The following CRISPLD2 variants were observed in gnomAD, a reference collection of about 807,000 sequenced individuals.
CRISPLD2 encodes cysteine rich secretory protein LCCL domain containing 2, also known as cysteine-rich secretory protein LCCL domain-containing 2.
CRISPLD2 carries 47 observed loss-of-function variants against 71.1 expected under a neutral mutation model. The observed-to-expected ratio is 0.66, with a 90% CI of 0.52 to 0.84. CRISPLD2 has a LOEUF of 0.84. CRISPLD2 is among the 40% of genes least tolerant of loss of function. The pLI is 0.00. For synonymous variants in CRISPLD2, 317 were observed against 250.1 expected (o/e 1.27, Z -2.52); for missense variants, 830 against 651.1 (o/e 1.27, Z -2.99).
intron 1 of CRISPLD2, among the ~76,000 whole-genome samples, chr16:84,831,139 G>C (rs1480186455): frequency 6.6e-6 from 1 of 152,214 alleles, no homozygotes; most frequent in Non-Finnish European, 1.5e-5. Flanking sequence ...CCATGGGCCT[G>C]TCAACTCAGC....
At position 84,906,865 on chromosome 16, in the gene CRISPLD2, C is replaced by T. The variant is rs1258534256; in HGVS notation, c.*223C>T. 1.6e-6 allele frequency: 1 copy of T among 622,928 alleles called. No homozygotes were observed. The highest frequency in any genetic ancestry group is 2.6e-5 in the Admixed American group (1 of 38,404). The allele number at this position is 622,928 out of a possible 1,614,324, so 38.6% of individuals were successfully genotyped here. Reference sequence around the variant, plus strand: ...CCGGACTCCCTGGTGCCTGATCCTGCTGGGGCCTGGGGGTCTCCATCTGGA... The same window carrying T: ...CCGGACTCCCTGGTGCCTGATCCTGTTGGGGCCTGGGGGTCTCCATCTGGA... On this transcript the variant is annotated 3_prime_UTR_variant, in exon 15 of 15. Transcript: ENST00000262424.
intron 7 of CRISPLD2, 104 bp downstream of exon 7, chr16:84,867,144 C>A: frequency 1.6e-6 from 2 of 1,237,868 alleles, no homozygotes; most frequent in South Asian, 1.4e-5. Context: ...TGCAAATCCA[C>A]AGGCAGTGGC....
At chr16:84,883,745 G>A (rs544792385) in intron 13 of CRISPLD2, among the ~76,000 whole-genome samples, 1 of 152,256 alleles carries the variant, frequency 6.6e-6, no homozygotes, top group African/African-American at 2.4e-5. Context: ...CTATTGTGGT[G>A]GTGACTATGA....
intron 5 of CRISPLD2, among the ~76,000 whole-genome samples, chr16:84,852,036 G>C (rs1917103381): frequency 6.6e-6 from 1 of 152,174 alleles, no homozygotes; most frequent in Admixed American, 6.5e-5. Context: ...GGCAGATCAA[G>C]GTGTGGCAGA....
chr16:84,872,984 C>T lies in CRISPLD2; in HGVS notation c.982-8C>T. On this transcript the variant is annotated splice_region_variant and splice_polypyrimidine_tract_variant and intron_variant, in intron 9 of 14. Transcript: ENST00000262424. ...TGTGCCTCTGGTCTTCTCTTCCCTTCCCGCCAGTCGTCTAGCATATGCCGC... is the reference window on the plus strand; with the variant it reads ...TGTGCCTCTGGTCTTCTCTTCCCTTTCCGCCAGTCGTCTAGCATATGCCGC... 1 of 1,603,638 alleles carries T rather than the reference C, an allele frequency of 6.2e-7. No individual in the cohort carries two copies.
Position 84,838,746 on chromosome 16 carries a change from G to A in CRISPLD2, c.240+11G>A. The A allele has an allele frequency of 6.2e-7, 1 of 1,607,870 alleles. No homozygotes were observed. Among genetic ancestry groups the A allele is most frequent in the Non-Finnish European group, 8.5e-7 (1 of 1,178,796 alleles). Reference sequence around the variant, plus strand: ...AACATGGAGTACATGGTGAGCGCCGGCTCCGGCCGCAGAGGCTGGCACCGG... The same window carrying A: ...AACATGGAGTACATGGTGAGCGCCGACTCCGGCCGCAGAGGCTGGCACCGG... On this transcript the variant is annotated intron_variant, in intron 2 of 14. Transcript: ENST00000262424.
At chr16:84,844,504 G>A (rs1212467807) in intron 2 of CRISPLD2, among the ~76,000 whole-genome samples, 1 of 151,466 alleles carries the variant, frequency 6.6e-6, no homozygotes, top group Non-Finnish European at 1.5e-5. Flanking sequence ...TTGAGACAGA[G>A]TCTTACTTTG....
intron 1 of CRISPLD2, among the ~76,000 whole-genome samples, chr16:84,824,964 C>T (rs973123381): frequency 6.6e-6 from 1 of 151,954 alleles, no homozygotes; most frequent in Non-Finnish European, 1.5e-5. Context: ...ATTAGCCGGG[C>T]GTGGTGGCAG....
rs547974940 is a variant in CRISPLD2 at position 84,862,335 on chromosome 16, T to G, written c.710-4562T>G. On this transcript the variant is annotated intron_variant, in intron 6 of 14. Coordinates refer to ENST00000262424, the MANE Select transcript of CRISPLD2 (RefSeq NM_031476.4). ...CTCCCATCTCAGCCTCCCGAGTAGC[T>G]GGGACTATAGGCACATGCCACCATG... Among the ~76,000 whole-genome samples the G allele has an allele frequency of 2.2e-3, 337 of 152,168 alleles. 2 individuals are homozygous for G. Among genetic ancestry groups the G allele is most frequent in the African/African-American group, 8.0e-3 (331 of 41,516 alleles).
chr16:84,906,688 G>C lies in CRISPLD2; in HGVS notation c.*46G>C. The stretch of plus-strand genomic sequence containing the variant: ...AGGGGCGTCTTCAGGAGGGCTTCGG[G>C]GTTTTGCTTTTATTTTTATTTTGTC... On this transcript the variant is annotated 3_prime_UTR_variant, in exon 15 of 15. Transcript: ENST00000262424. The C allele has an allele frequency of 6.2e-7, 1 of 1,606,828 alleles. No individual in the cohort carries two copies.
intron 6 of CRISPLD2, among the ~76,000 whole-genome samples, chr16:84,860,434 C>T (rs991349754): frequency 3.9e-5 from 6 of 152,194 alleles, no homozygotes; most frequent in African/African-American, 1.2e-4. Flanking sequence ...CCTCTAGCAG[C>T]CCGCCAGGAC....
chr16:84,846,516 A>G (rs1283726899), intron 3 of CRISPLD2, among the ~76,000 whole-genome samples: 8 of 151,984 alleles, frequency 5.3e-5, no homozygotes, highest in Non-Finnish European at 7.4e-5. Context: ...GGCCTCCTCA[A>G]GTGCGGGGAT....
rs1268773197 is a variant in CRISPLD2, at chr16:84,838,568, C to T, written c.73C>T (p.Leu25=). The T allele has an allele frequency of 5.6e-6, 9 of 1,614,132 alleles. No individual in the cohort carries two copies. Among genetic ancestry groups the T allele is most frequent in the Non-Finnish European group, 7.6e-6 (9 of 1,180,046 alleles). The part of the protein sequence containing the change: ...FLVCGSQGYL[L]PNVTLLEELL... Reference sequence around the variant, plus strand: ...GGTCTGCGGATCCCAAGGCTACCTCCTGCCCAACGTCACTCTCTTAGAGGA... The same window carrying T: ...GGTCTGCGGATCCCAAGGCTACCTCTTGCCCAACGTCACTCTCTTAGAGGA... The change falls in exon 2 of 15, where the codon CTG becomes TTG. Residue 25 remains leucine (L), a synonymous_variant. Coordinates refer to ENST00000262424, the MANE Select transcript of CRISPLD2 (RefSeq NM_031476.4).
At chr16:84,846,885 A>G (rs1052079378) in intron 3 of CRISPLD2, among the ~76,000 whole-genome samples, 1 of 152,206 alleles carries the variant, frequency 6.6e-6, no homozygotes, top group Admixed American at 6.5e-5. Context: ...CCTTCCCCAG[A>G]GTAAGCTGGA....
intron 6 of CRISPLD2, among the ~76,000 whole-genome samples, chr16:84,855,616 A>G (rs1290623563): frequency 3.3e-5 from 5 of 152,170 alleles, no homozygotes; most frequent in Admixed American, 1.3e-4. Flanking sequence ...TCCTTTGGCA[A>G]CACCCTCACA....
At chr16:84,825,369 C>G (rs1916326994) in intron 1 of CRISPLD2, among the ~76,000 whole-genome samples, 1 of 152,118 alleles carries the variant, frequency 6.6e-6, no homozygotes, top group African/African-American at 2.4e-5. Flanking sequence ...TCGAGTCCAG[C>G]TTGTGCAACA....
chr16:84,887,485 G>C (rs74031013), intron 13 of CRISPLD2, among the ~76,000 whole-genome samples: 1,715 of 152,348 alleles, frequency 0.011, 28 homozygotes, highest in African/African-American at 0.039. Flanking sequence ...AAATTAGCAA[G>C]CTGCTGCCGG....
chr16:84,844,782 G>T (rs986802945), intron 2 of CRISPLD2, among the ~76,000 whole-genome samples: 3 of 152,228 alleles, frequency 2.0e-5, no homozygotes, highest in East Asian at 3.9e-4. Context: ...AGGGGCCCTC[G>T]TCTGCTTTTC....
intron 8 of CRISPLD2, 33 bp from the exon 9 acceptor site, chr16:84,872,408 AT>A: frequency 1.3e-6 from 2 of 1,571,782 alleles, no homozygotes; most frequent in Non-Finnish European, 1.8e-6. Flanking sequence ...CAACGTGCTT[AT>A]CTCTGAACAT....
Sources: allele counts gnomAD v4.1 joint callset (sites outside exome capture counted in the v4.1 genomes callset), GRCh38; gene constraint gnomAD v4.1.1; transcripts MANE v1.5; gene names NCBI Gene and HGNC (gene_info 2026-07-23, HGNC 2026-07-21).